Variants in PRRX1 observed in about 807,000 individuals in gnomAD.
PRRX1 encodes paired mesoderm homeobox protein 1.
PRRX1 carries 8 observed loss-of-function variants against 24.0 expected under a neutral mutation model. The observed-to-expected ratio is 0.33, with a 90% CI of 0.20 to 0.60. The LOEUF (loss-of-function observed/expected upper bound fraction) is 0.60. PRRX1 is among the 20% of genes least tolerant of loss of function. The pLI, the probability that PRRX1 is intolerant of heterozygous loss-of-function variation, is 0.82. For missense variants in PRRX1, 281 were observed against 322.4 expected (o/e 0.87, Z 0.98); for synonymous variants, 160 against 131.7 (o/e 1.22, Z -1.47).
At chr1:170,724,430 G>A (rs1474049754) in intron 2 of PRRX1, among the ~76,000 whole-genome samples, 5 of 152,140 alleles carry the variant, frequency 3.3e-5, no homozygotes, top group Admixed American at 3.3e-4. Flanking sequence ...TTATACTTAA[G>A]TTTTTAATTT....
intron 1 of PRRX1, among the ~76,000 whole-genome samples, chr1:170,708,772 TTAC>T (rs1416381945): frequency 6.6e-6 from 1 of 152,218 alleles, no homozygotes; most frequent in Non-Finnish European, 1.5e-5. Context: ...ATCAGAATAA[TTAC>T]TGCTGCAAAG....
At chr1:170,732,489 A>G (rs945828436) in intron 3 of PRRX1, among the ~76,000 whole-genome samples, 5 of 152,138 alleles carry the variant, frequency 3.3e-5, no homozygotes, top group Non-Finnish European at 7.4e-5. Context: ...CTTGTAATAC[A>G]AGTTTTGCTT....
At chr1:170,725,859 T>C (rs1280358861) in intron 2 of PRRX1, among the ~76,000 whole-genome samples, 1 of 152,240 alleles carries the variant, frequency 6.6e-6, no homozygotes, top group African/African-American at 2.4e-5. Flanking sequence ...AGAAAAGTCA[T>C]TATTTCTGTG....
chr1:170,720,171 G>T (rs1185111506), intron 2 of PRRX1, among the ~76,000 whole-genome samples: 3 of 152,164 alleles, frequency 2.0e-5, no homozygotes, highest in African/African-American at 7.2e-5. Context: ...CCAGCTTCTT[G>T]GAAGGCTGAG....
intron 1 of PRRX1, among the ~76,000 whole-genome samples, chr1:170,693,274 A>G (rs1036671205): frequency 1.3e-5 from 2 of 152,138 alleles, no homozygotes; most frequent in African/African-American, 4.8e-5. Context: ...AAAATGCTGT[A>G]GAAAGGTTCT....
intron 1 of PRRX1, among the ~76,000 whole-genome samples, chr1:170,685,682 A>G (rs1653706671): frequency 6.6e-6 from 1 of 151,734 alleles, no homozygotes; most frequent in Non-Finnish European, 1.5e-5. Flanking sequence ...TTTTTTAATC[A>G]TGGAGATCTG....
intron 3 of PRRX1, among the ~76,000 whole-genome samples, chr1:170,734,106 A>G (rs1490611021): frequency 6.6e-6 from 1 of 152,116 alleles, no homozygotes; most frequent in Non-Finnish European, 1.5e-5. Flanking sequence ...GATGGATCCA[A>G]GTATACACAG....
At chr1:170,710,620 T>C (rs902720625) in intron 1 of PRRX1, among the ~76,000 whole-genome samples, 9 of 152,218 alleles carry the variant, frequency 5.9e-5, no homozygotes, top group Admixed American at 1.3e-4. Flanking sequence ...CAAATTCATA[T>C]ATTGAATCCG....
intron 2 of PRRX1, among the ~76,000 whole-genome samples, chr1:170,721,673 A>G (rs1365158759): frequency 6.6e-6 from 1 of 152,216 alleles, no homozygotes. Context: ...CTTTGGGCTC[A>G]AGTGAGAGTG....
intron 3 of PRRX1, among the ~76,000 whole-genome samples, chr1:170,733,250 T>C (rs917564741): frequency 6.6e-6 from 1 of 152,134 alleles, no homozygotes; most frequent in Non-Finnish European, 1.5e-5. Context: ...CAACTTGTAA[T>C]CGTTATTATA....
intron 1 of PRRX1, among the ~76,000 whole-genome samples, chr1:170,676,791 G>A (rs1231342187): frequency 6.6e-6 from 1 of 152,042 alleles, no homozygotes; most frequent in Non-Finnish European, 1.5e-5. Context: ...ATTATCTGGT[G>A]AAATCATACT....
Position 170,689,839 on chromosome 1 carries a change from C to CTCTCTCTCTCTCTCTCTCT in PRRX1, c.241+25380_241+25381insTCTCTCTCTCTCTCTCTCT, listed in dbSNP as rs1558049688. 4.4e-5 allele frequency among the ~76,000 whole-genome samples: 4 copies of CTCTCTCTCTCTCTCTCTCT among 91,602 alleles called. 1 individual carries two copies. The highest frequency in any genetic ancestry group is 1.6e-4 in the African/African-American group (4 of 24,630). The allele number at this position is 91,602 out of a possible 152,430, so 60.1% of individuals were successfully genotyped here. ...GTCTCTCTCTCTCTCTCTCTCTCTC[C>CTCTCTCTCTCTCTCTCTCT]CTCTCTCTCTCTCTCTCTCTCTCTC... On this transcript the variant is annotated intron_variant, in intron 1 of 3. Transcript: ENST00000239461.
chr1:170,698,571 C>T (rs1305887629), intron 1 of PRRX1, among the ~76,000 whole-genome samples: 2 of 151,928 alleles, frequency 1.3e-5, no homozygotes, highest in Non-Finnish European at 2.9e-5. Context: ...TTTTTCCTGA[C>T]CATTTAGCCT....
intron 1 of PRRX1, among the ~76,000 whole-genome samples, chr1:170,677,939 A>G (rs1286112287): frequency 1.3e-5 from 2 of 152,186 alleles, no homozygotes; most frequent in Non-Finnish European, 2.9e-5. Flanking sequence ...ACAAGGTGTT[A>G]AGGTTTCTTA....
At chr1:170,670,974 G>A (rs1449965735) in intron 1 of PRRX1, among the ~76,000 whole-genome samples, 3 of 152,088 alleles carry the variant, frequency 2.0e-5, no homozygotes, top group African/African-American at 7.2e-5. Flanking sequence ...GCTGTTCCAC[G>A]TAATGAAGAA....
chr1:170,679,853 TTATC>T (rs1653450629), intron 1 of PRRX1, among the ~76,000 whole-genome samples: 1 of 152,232 alleles, frequency 6.6e-6, no homozygotes, highest in Admixed American at 6.5e-5. Context: ...AAATGAAAGT[TTATC>T]TTTATCTTCT....
At chr1:170,669,934 A>G (rs1653091297) in intron 1 of PRRX1, among the ~76,000 whole-genome samples, 1 of 152,192 alleles carries the variant, frequency 6.6e-6, no homozygotes. Context: ...TTATTTTTCT[A>G]CAGGTGATAG....
At chr1:170,674,798 T>C (rs997503150) in intron 1 of PRRX1, among the ~76,000 whole-genome samples, 1 of 152,182 alleles carries the variant, frequency 6.6e-6, no homozygotes, top group Non-Finnish European at 1.5e-5. Context: ...GTGTAATACA[T>C]GTTCATTTTT....
At chr1:170,671,450 C>A (rs1178808212) in intron 1 of PRRX1, among the ~76,000 whole-genome samples, 2 of 152,244 alleles carry the variant, frequency 1.3e-5, no homozygotes. Flanking sequence ...GCTGTAGCGA[C>A]GCCAGGCGCT....
Sources: allele counts gnomAD v4.1 joint callset (sites outside exome capture counted in the v4.1 genomes callset), GRCh38; gene constraint gnomAD v4.1.1; transcripts MANE v1.5; gene names NCBI Gene and HGNC (gene_info 2026-07-23, HGNC 2026-07-21).